Variants in ACAP2 observed in about 807,000 individuals in gnomAD.
ACAP2 encodes ArfGAP with coiled-coil, ankyrin repeat and PH domains 2, also known as arf-GAP with coiled-coil, ANK repeat and PH domain-containing protein 2.
In ACAP2, 39 loss-of-function variants were observed where a neutral mutation model predicts 115.8. The ratio of observed to expected loss-of-function variants is 0.34; its 90% CI spans 0.26 to 0.44. The LOEUF (loss-of-function observed/expected upper bound fraction) is 0.44. Among genes scored for constraint, ACAP2 ranks in the 20% least tolerant of loss-of-function variants. ACAP2 has a pLI of 1.00. For synonymous variants in ACAP2, 289 were observed against 315.8 expected, an observed-to-expected ratio of 0.92 and a Z score of 0.90; for missense variants, 662 against 927.6, an observed-to-expected ratio of 0.71 and a Z score of 3.72.
At chr3:195,359,241 G>A (rs557078304) in intron 4 of ACAP2, among the ~76,000 whole-genome samples, 1 of 152,326 alleles carries the variant, frequency 6.6e-6, no homozygotes, top group South Asian at 2.1e-4. Context: ...ATCATCTGCA[G>A]GTGCAAGGCT....
At chr3:195,420,476 G>C (rs112388063) in intron 1 of ACAP2, among the ~76,000 whole-genome samples, 3,341 of 152,082 alleles carry the variant, frequency 0.022, 117 homozygotes, top group East Asian at 0.1. Context: ...AGCCTCCCAA[G>C]TAGCTGGGAC....
At chr3:195,427,736 C>T (rs1714792753) in intron 1 of ACAP2, among the ~76,000 whole-genome samples, 1 of 152,128 alleles carries the variant, frequency 6.6e-6, no homozygotes, top group East Asian at 1.9e-4. Context: ...ATGGCAAAAC[C>T]TCATCTCTAC....
chr3:195,414,411 C>T (rs1313484949), intron 1 of ACAP2, among the ~76,000 whole-genome samples: 2 of 152,062 alleles, frequency 1.3e-5, no homozygotes, highest in African/African-American at 2.4e-5. Context: ...ACCCAGCCTA[C>T]GAAATACATT....
chr3:195,385,427 G>A (rs1490762147), intron 2 of ACAP2, among the ~76,000 whole-genome samples: 1 of 151,460 alleles, frequency 6.6e-6, no homozygotes, highest in Non-Finnish European at 1.5e-5. Context: ...TTAAGATAGA[G>A]GTGGCAGAGA....
intron 6 of ACAP2, among the ~76,000 whole-genome samples, chr3:195,337,863 C>T (rs115097789): frequency 0.018 from 2,788 of 152,084 alleles, 86 homozygotes; most frequent in African/African-American, 0.062. Flanking sequence ...CCTCTTCGAC[C>T]TAGTTTTCTA....
chr3:195,321,372 G>A (rs111779734), intron 9 of ACAP2, among the ~76,000 whole-genome samples: 5 of 151,430 alleles, frequency 3.3e-5, no homozygotes, highest in African/African-American at 1.2e-4. Flanking sequence ...ACGGACATAC[G>A]CCATCATGCC....
chr3:195,370,103 T>C (rs1292903287), intron 4 of ACAP2, among the ~76,000 whole-genome samples: 2 of 152,192 alleles, frequency 1.3e-5, no homozygotes, highest in Non-Finnish European at 2.9e-5. Flanking sequence ...AACTGGGTTG[T>C]TTTTTGCTTG....
At chr3:195,409,552 G>A (rs1314838060) in intron 1 of ACAP2, among the ~76,000 whole-genome samples, 1 of 152,098 alleles carries the variant, frequency 6.6e-6, no homozygotes, top group East Asian at 1.9e-4. Context: ...TGCAATTCTT[G>A]TCAAAATCAC....
intron 4 of ACAP2, among the ~76,000 whole-genome samples, chr3:195,378,517 A>AC (rs1413341374): frequency 1.3e-5 from 2 of 150,788 alleles, no homozygotes; most frequent in East Asian, 3.9e-4. Flanking sequence ...CAAACAAACA[A>AC]AAAAAAACAA....
chr3:195,339,756 C>T (rs1001968769), intron 6 of ACAP2, among the ~76,000 whole-genome samples: 25 of 151,906 alleles, frequency 1.6e-4, no homozygotes, highest in African/African-American at 6.0e-4. Context: ...TACATATGGA[C>T]ATCCAAGAAA....
intron 2 of ACAP2, among the ~76,000 whole-genome samples, chr3:195,388,484 T>C (rs1311684005): frequency 2.6e-5 from 4 of 152,208 alleles, no homozygotes; most frequent in Non-Finnish European, 4.4e-5. Context: ...ACTGGTGGCA[T>C]ACATTATAGG....
intron 4 of ACAP2, among the ~76,000 whole-genome samples, chr3:195,357,438 G>A (rs796250993): frequency 3.3e-5 from 5 of 152,268 alleles, no homozygotes; most frequent in African/African-American, 1.2e-4. Flanking sequence ...ACTAGCTTCA[G>A]CCACTCTTGA....
chr3:195,412,712 T>TA (rs1262763371), intron 1 of ACAP2: 1 of 266,682 alleles, frequency 3.7e-6, no homozygotes, highest in Non-Finnish European at 7.8e-6. Flanking sequence ...GAAGTCTTTG[T>TA]AAAATCAGTC....
intron 4 of ACAP2, among the ~76,000 whole-genome samples, chr3:195,361,361 A>C (rs889872172): frequency 5.9e-5 from 9 of 151,740 alleles, no homozygotes; most frequent in Non-Finnish European, 1.3e-4. Flanking sequence ...ACTTGAACCC[A>C]GGAGGCAGAG....
chr3:195,373,595 T>C (rs974324129), intron 4 of ACAP2, among the ~76,000 whole-genome samples: 1 of 152,212 alleles, frequency 6.6e-6, no homozygotes, highest in African/African-American at 2.4e-5. Flanking sequence ...CACCCTGCTA[T>C]CTGATTAACT....
intron 5 of ACAP2, among the ~76,000 whole-genome samples, chr3:195,344,781 A>T (rs1731094127): frequency 6.6e-6 from 1 of 152,184 alleles, no homozygotes; most frequent in South Asian, 2.1e-4. Flanking sequence ...AGTCTCCCAA[A>T]GTGCTGGGAT....
At chr3:195,288,127 A>G (rs140470669) in intron 21 of ACAP2, among the ~76,000 whole-genome samples, 167 of 152,234 alleles carry the variant, frequency 1.1e-3, no homozygotes, top group African/African-American at 3.7e-3. Flanking sequence ...ACCATTTTGA[A>G]GAAGTCACTG....
chr3:195,427,120 T>C (rs182575186), intron 1 of ACAP2, among the ~76,000 whole-genome samples: 6 of 152,230 alleles, frequency 3.9e-5, no homozygotes, highest in African/African-American at 1.4e-4. Flanking sequence ...AGAGGGAGTA[T>C]CACAACCACT....
chr3:195,352,705 CTT>C (rs1262541329), intron 4 of ACAP2, among the ~76,000 whole-genome samples: 1 of 152,310 alleles, frequency 6.6e-6, no homozygotes, highest in South Asian at 2.1e-4. Context: ...ATTCTTTGCT[CTT>C]TGAGTGTGGG....
Sources: allele counts gnomAD v4.1 joint callset (sites outside exome capture counted in the v4.1 genomes callset), GRCh38; gene constraint gnomAD v4.1.1; transcripts MANE v1.5; gene names NCBI Gene and HGNC (gene_info 2026-07-23, HGNC 2026-07-21).